Variants in NAALADL2 observed in about 807,000 individuals in gnomAD.
The protein encoded by NAALADL2 is inactive N-acetylated-alpha-linked acidic dipeptidase-like protein 2.
Under a neutral mutation model 87.2 loss-of-function variants are expected in NAALADL2, and 76 were observed. That is an observed-to-expected ratio of 0.87 (90% CI 0.72 to 1.05). The LOEUF is 1.05. Among genes scored for constraint, NAALADL2 ranks in the 50% least tolerant of loss-of-function variants. The pLI is 0.00. For synonymous variants in NAALADL2, 354 were observed against 331.0 expected, an observed-to-expected ratio of 1.07 and a Z score of -0.75; for missense variants, 1,089 against 945.8, an observed-to-expected ratio of 1.15 and a Z score of -1.99.
At chr3:175,490,991 T>G (rs1057021775) in intron 9 of NAALADL2, among the ~76,000 whole-genome samples, 1 of 152,124 alleles carries the variant, frequency 6.6e-6, no homozygotes, top group Non-Finnish European at 1.5e-5. Context: ...ATAAGGTTAC[T>G]TTGAACAATT....
chr3:174,457,212 GGTGAA>G (rs1715898814), intron 1 of NAALADL2, among the ~76,000 whole-genome samples: 1 of 152,126 alleles, frequency 6.6e-6, no homozygotes, highest in East Asian at 1.9e-4. Context: ...AACAGGTGCT[GGTGAA>G]GTTGTGGAGG....
chr3:175,364,464 G>A (rs1011348792), intron 5 of NAALADL2, among the ~76,000 whole-genome samples: 7 of 147,562 alleles, frequency 4.7e-5, no homozygotes, highest in African/African-American at 1.7e-4. Flanking sequence ...GAATTCCCTT[G>A]GGTTGTACAT....
chr3:175,007,871 G>A (rs1215893737), intron 1 of NAALADL2, among the ~76,000 whole-genome samples: 2 of 151,978 alleles, frequency 1.3e-5, no homozygotes, highest in African/African-American at 4.8e-5. Flanking sequence ...TTATGCTTTG[G>A]GTCCATTGTT....
intron 4 of NAALADL2, 132 bp from the exon 5 acceptor site, chr3:175,324,043 A>AT: frequency 4.2e-6 from 2 of 480,216 alleles, no homozygotes; most frequent in Non-Finnish European, 6.8e-6. Flanking sequence ...AAAAAAAAAA[A>AT]GAAAAAGAAA....
At chr3:174,825,361 A>C (rs1721865644) in intron 3 of NAALADL2, among the ~76,000 whole-genome samples, 1 of 152,214 alleles carries the variant, frequency 6.6e-6, no homozygotes, top group Admixed American at 6.5e-5. Context: ...CCAAAGACCC[A>C]AGAAGTAGGA....
intron 11 of NAALADL2, among the ~76,000 whole-genome samples, chr3:175,720,143 A>C (rs989721131): frequency 1.3e-5 from 2 of 152,210 alleles, no homozygotes; most frequent in African/African-American, 2.4e-5. Flanking sequence ...TTCACAATAA[A>C]AATTATAAAT....
At chr3:175,441,396 G>C (rs1581902747) in intron 5 of NAALADL2, among the ~76,000 whole-genome samples, 1 of 152,266 alleles carries the variant, frequency 6.6e-6, no homozygotes, top group East Asian at 1.9e-4. Context: ...TCGAGCATAT[G>C]CAGAATTTGG....
At chr3:174,646,513 GCCAT>G (rs1438049677) in intron 2 of NAALADL2, among the ~76,000 whole-genome samples, 3 of 151,962 alleles carry the variant, frequency 2.0e-5, no homozygotes, top group African/African-American at 7.3e-5. Context: ...CATTAATTTA[GCCAT>G]CCAAGGTAGA....
chr3:174,845,705 GT>G (rs2109444701), intron 3 of NAALADL2, among the ~76,000 whole-genome samples: 1 of 152,312 alleles, frequency 6.6e-6, no homozygotes, highest in East Asian at 1.9e-4. Flanking sequence ...ATGTGGGCTA[GT>G]TTTCTGGGTG....
intron 2 of NAALADL2, among the ~76,000 whole-genome samples, chr3:175,191,244 T>A (rs1439153362): frequency 1.3e-5 from 2 of 150,448 alleles, no homozygotes; most frequent in Admixed American, 6.6e-5. Context: ...GCATACTTTA[T>A]GTAAATTATT....
intron 2 of NAALADL2, among the ~76,000 whole-genome samples, chr3:174,684,809 G>A (rs989909120): frequency 2.0e-5 from 3 of 151,972 alleles, no homozygotes; most frequent in African/African-American, 4.8e-5. Flanking sequence ...CAGTATTAAG[G>A]AGCCTGATGC....
At chr3:175,183,217 TC>T (rs1343667364) in intron 2 of NAALADL2, among the ~76,000 whole-genome samples, 2 of 150,844 alleles carry the variant, frequency 1.3e-5, no homozygotes, top group East Asian at 2.0e-4. Context: ...ATTATACTGA[TC>T]TTTTGCCTCC....
chr3:175,765,762 T>C (rs115324127), intron 13 of NAALADL2, among the ~76,000 whole-genome samples: 172 of 152,204 alleles, frequency 1.1e-3, no homozygotes, highest in African/African-American at 3.9e-3. Context: ...AACAATACTT[T>C]CCATAGAGGA....
intron 5 of NAALADL2, among the ~76,000 whole-genome samples, chr3:175,357,561 T>A (rs1252658126): frequency 6.6e-6 from 1 of 152,178 alleles, no homozygotes; most frequent in East Asian, 1.9e-4. Context: ...TGAATTCTAA[T>A]TCTAGTAATC....
intron 9 of NAALADL2, among the ~76,000 whole-genome samples, chr3:175,567,479 T>G (rs1335837113): frequency 6.6e-6 from 1 of 152,130 alleles, no homozygotes; most frequent in Non-Finnish European, 1.5e-5. Context: ...AGAACATTTT[T>G]CTATACCCGA....
intron 1 of NAALADL2, among the ~76,000 whole-genome samples, chr3:175,052,631 G>A (rs1755564701): frequency 6.6e-6 from 1 of 152,174 alleles, no homozygotes; most frequent in Non-Finnish European, 1.5e-5. Context: ...CCAGTTCCTG[G>A]CATTAAGGTC....
At chr3:175,702,816 G>T (rs1739167111) in intron 11 of NAALADL2, among the ~76,000 whole-genome samples, 1 of 151,776 alleles carries the variant, frequency 6.6e-6, no homozygotes, top group Non-Finnish European at 1.5e-5. Flanking sequence ...GTATTAAATT[G>T]TCAGCAAAAA....
At position 175,510,628 on chromosome 3, in the gene NAALADL2, CA is replaced by C. The variant is rs1392244394; in HGVS notation, c.1653+38872del. ...TAAACTACCTCAGTCACTTTTGCAACAACTCCATAAAGTAGGCACTGTTATT... is the reference window on the plus strand; with the variant it reads ...TAAACTACCTCAGTCACTTTTGCAACACTCCATAAAGTAGGCACTGTTATT... On this transcript the variant is annotated intron_variant, in intron 9 of 13. Coordinates refer to ENST00000454872, the MANE Select transcript of NAALADL2 (RefSeq NM_207015.3). Among the ~76,000 whole-genome samples the C allele has an allele frequency of 2.6e-5, 4 of 152,294 alleles. No homozygotes were observed. The East Asian group carries it at 7.7e-4, about 29-fold the overall frequency.
intron 1 of NAALADL2, among the ~76,000 whole-genome samples, chr3:174,997,627 C>A (rs1747685041): frequency 6.6e-6 from 1 of 152,032 alleles, no homozygotes; most frequent in African/African-American, 2.4e-5. Flanking sequence ...GGGTTCAAGA[C>A]CAGCCTGGTG....
Sources: gnomAD v4.1 joint callset for allele counts (sites outside exome capture counted in the v4.1 genomes callset) on GRCh38, gnomAD v4.1.1 for gene constraint, MANE v1.5 for transcripts, NCBI Gene and HGNC (gene_info 2026-07-23, HGNC 2026-07-21) for gene names.